The following MKI67 variants were observed in gnomAD, a reference collection of about 807,000 sequenced individuals.
The protein encoded by MKI67 is marker of proliferation Ki-67, also known as proliferation marker protein Ki-67.
Under a neutral mutation model 233.5 loss-of-function variants are expected in MKI67, and 152 were observed. The ratio of observed to expected loss-of-function variants is 0.65; its 90% CI spans 0.57 to 0.74. MKI67 has a LOEUF of 0.74. Among genes scored for constraint, MKI67 ranks in the 30% least tolerant of loss-of-function variants. The pLI, the probability that MKI67 is intolerant of heterozygous loss-of-function variation, is 0.00. For missense variants in MKI67, 3,940 were observed against 3,885.2 expected, an observed-to-expected ratio of 1.01 and a Z score of -0.37; for synonymous variants, 1,465 against 1,418.5, an observed-to-expected ratio of 1.03 and a Z score of -0.74.
chr10:128,099,091 G>T lies in MKI67; in HGVS notation c.*99C>A. The T allele has an allele frequency of 1.1e-6, 1 of 905,916 alleles. No homozygotes were observed. The highest frequency in any genetic ancestry group is 1.7e-6 in the Non-Finnish European group (1 of 597,926). The allele number at this position is 905,916 out of a possible 1,614,324, so 56.1% of individuals were successfully genotyped here. Reference sequence around the variant, plus strand: ...TTTTCTTCCCTTAAGCAGACTGACAGCCTTACTTACAGAATTCACTTGTAA... The same window carrying T: ...TTTTCTTCCCTTAAGCAGACTGACATCCTTACTTACAGAATTCACTTGTAA... On this transcript the variant is annotated 3_prime_UTR_variant, in exon 15 of 15. Transcript: ENST00000368654.
rs2136126104 is a variant in MKI67 at position 128,102,990 on chromosome 10, A to G, written c.8850T>C (p.Pro2950=). The G allele has an allele frequency of 6.2e-7, 1 of 1,614,220 alleles. No homozygotes were observed. Among genetic ancestry groups the G allele is most frequent in the Non-Finnish European group, 8.5e-7 (1 of 1,180,034 alleles). Residue 2950 remains proline, a synonymous_variant, in exon 13 of 15, where the codon CCT becomes CCC. Coordinates refer to ENST00000368654, the MANE Select transcript of MKI67 (RefSeq NM_002417.5). The part of the protein sequence containing the change: ...DSFTSAPKQT[P]DSGKPLKISR... ...ATATTTTTAGAGGTTTTCCACTGTC[A>G]GGTGTTTGCTTTGGAGCGCTTGTAA...
intron 8 of MKI67, 130 bp from the exon 9 acceptor site, chr10:128,112,575 T>A (rs1331153984): frequency 2.3e-6 from 2 of 888,262 alleles, no homozygotes; most frequent in Non-Finnish European, 1.7e-6. Flanking sequence ...TAAGCCACTG[T>A]CTTTGAAGAC....
In MKI67 at chr10:128,107,221, G is replaced by A; in HGVS notation, c.4619C>T (p.Thr1540Ile). ...RTPSAGKAMH[T>I]PKPAVSGEKN... is the part of the protein sequence containing the mutation. Reference sequence around the variant, plus strand: ...CTCACCACTTACTGCTGGTTTGGGTGTGTGCATGGCTTTGCCTGCTGATGG... The same window carrying A: ...CTCACCACTTACTGCTGGTTTGGGTATGTGCATGGCTTTGCCTGCTGATGG... The change falls in exon 13 of 15, where the codon ACA (threonine) becomes ATA (isoleucine). Residue 1540 changes from threonine to isoleucine, a missense_variant. By Grantham distance (89) the Thr-to-Ile change is moderately conservative (BLOSUM62 -1). Coordinates refer to ENST00000368654, the MANE Select transcript of MKI67 (RefSeq NM_002417.5). 1.2e-6 allele frequency: 2 copies of A among 1,614,192 alleles called. No homozygotes were observed. The highest frequency in any genetic ancestry group is 1.6e-4 in the Middle Eastern group (1 of 6,062).
Position 128,103,757 on chromosome 10 carries a change from A to G in MKI67, c.8083T>C (p.Ser2695Pro). ...LSETSGHTQE[S>P]LTAGKATKIP... Reference sequence around the variant, plus strand: ...TTAGTGGCTTTGCCAGCAGTCAGTGATTCCTGAGTGTGACCTGATGTTTCA... The same window carrying G: ...TTAGTGGCTTTGCCAGCAGTCAGTGGTTCCTGAGTGTGACCTGATGTTTCA... Residue 2695 changes from serine to proline, a missense_variant, in exon 13 of 15, where the codon TCA becomes CCA. Transcript: ENST00000368654. 6 of 1,613,274 alleles carry G rather than the reference A, an allele frequency of 3.7e-6. No individual in the cohort carries two copies. Among genetic ancestry groups the G allele is most frequent in the Non-Finnish European group, 5.1e-6 (6 of 1,179,908 alleles).
chr10:128,106,050 C>A lies in MKI67; in HGVS notation c.5790G>T (p.Leu1930=). The A allele has an allele frequency of 3.7e-6, 6 of 1,614,014 alleles. No individual in the cohort carries two copies. Among genetic ancestry groups the A allele is most frequent in the Non-Finnish European group, 4.2e-6 (5 of 1,179,976 alleles). Residue 1930 remains leucine (L), a synonymous_variant, in exon 13 of 15, where the codon CTG becomes CTT. Coordinates refer to ENST00000368654, the MANE Select transcript of MKI67 (RefSeq NM_002417.5). ...FVGTPVEKLD[L]LGNLPGSKRR... is the part of the protein sequence containing the mutation. The stretch of plus-strand genomic sequence containing the variant: ...TCTTGCTGCCAGGTAAATTTCCTAG[C>A]AGGTCCAGTTTCTCCACTGGAGTCC...
intron 11 of MKI67, chr10:128,111,381 G>T: frequency 2.9e-6 from 1 of 348,078 alleles, no homozygotes; most frequent in South Asian, 6.5e-5. Context: ...CTATGTATAC[G>T]CTGCTCTCCA....
rs780953292 is a variant in MKI67 at position 128,104,194 on chromosome 10, C to A, written c.7646G>T (p.Arg2549Leu). The change falls in exon 13 of 15, where the codon CGT becomes CTT. Residue 2549 changes from arginine (R) to leucine (L), a missense_variant. Coordinates refer to ENST00000368654, the MANE Select transcript of MKI67 (RefSeq NM_002417.5). ...TTCTAGAGCACGGGCCTTTTCCTTA[C>A]GAGTTCTCAGCTGCCTCCTGCTACC... ...VTGSRRQLRT[R>L]KEKARALEDL... The A allele has an allele frequency of 2.5e-6, 4 of 1,612,940 alleles. No homozygotes were observed. Among genetic ancestry groups the A allele is most frequent in the Admixed American group, 1.7e-5 (1 of 59,902 alleles).
chr10:128,101,334 G>A lies in MKI67; in HGVS notation c.9629C>T (p.Ala3210Val). 1.9e-6 allele frequency: 3 copies of A among 1,614,196 alleles called. No homozygotes were observed. Among genetic ancestry groups the A allele is most frequent in the Non-Finnish European group, 2.5e-6 (3 of 1,180,024 alleles). Reference protein sequence around the residue: ...LRSRKTKSQPAASTLESKSVQ... With the variant: ...LRSRKTKSQPVASTLESKSVQ... ...AGATTTGCTCTCCAAAGTGCTTGCT[G>A]CAGGCTGGCTTTTTGTCTTTCTTGA... Residue 3210 changes from alanine to valine, a missense_variant, in exon 14 of 15, where the codon GCA (alanine) becomes GTA (valine). Transcript: ENST00000368654.
chr10:128,112,455 C>T lies in MKI67; in HGVS notation c.1657-10G>A. On this transcript the variant is annotated splice_polypyrimidine_tract_variant and intron_variant, in intron 8 of 14. Coordinates refer to ENST00000368654, the MANE Select transcript of MKI67 (RefSeq NM_002417.5). ...ATGGTTGAGGCTGTTCCTGACAAGA[C>T]AAAATTGTTTACAAGAAGCCTTAAC... 6.2e-7 allele frequency: 1 copy of T among 1,611,326 alleles called. No individual in the cohort carries two copies. The highest frequency in any genetic ancestry group is 8.5e-7 in the Non-Finnish European group (1 of 1,178,194).
In MKI67 at chr10:128,123,081, A is replaced by G. The variant is rs748465570; in HGVS notation, c.171+10T>C. On this transcript the variant is annotated intron_variant, in intron 3 of 14. Coordinates refer to ENST00000368654, the MANE Select transcript of MKI67 (RefSeq NM_002417.5). ...AGCTTTAAAAGTAGATCTTCAAAAA[A>G]CCCACTCACCTCCTGCTCATGGATT... is the stretch of plus-strand genomic sequence containing the variant. 6.2e-7 allele frequency: 1 copy of G among 1,612,176 alleles called. No homozygotes were observed. The highest frequency in any genetic ancestry group is 1.1e-5 in the South Asian group (1 of 90,938).
chr10:128,112,984 G>T (rs1163584289), intron 8 of MKI67, among the ~76,000 whole-genome samples: 2 of 152,208 alleles, frequency 1.3e-5, no homozygotes, highest in East Asian at 1.9e-4. Context: ...AGAGCTGAAG[G>T]TGTAAAAGGA....
rs1852986723 is a variant in MKI67, at chr10:128,123,104, A to G, written c.158T>C (p.Ile53Thr). ...AAACCCACTCACCTCCTGCTCATGG[A>G]TTTCAATTTTGCAATGTTGTTTTGA... ...VVSKQHCKIE[I>T]HEQEAILHNF... The change falls in exon 3 of 15, where the codon ATC becomes ACC. Residue 53 changes from isoleucine to threonine, a missense_variant. Coordinates refer to ENST00000368654, the MANE Select transcript of MKI67 (RefSeq NM_002417.5). 6.2e-7 allele frequency: 1 copy of G among 1,613,800 alleles called. No individual in the cohort carries two copies. Among genetic ancestry groups the G allele is most frequent in the East Asian group, 2.2e-5 (1 of 44,844 alleles).
chr10:128,102,848 T>A lies in MKI67; in HGVS notation c.8992A>T (p.Arg2998Trp). Residue 2998 changes from arginine (R) to tryptophan (W), a missense_variant, in exon 13 of 15, where the codon AGG becomes TGG. Coordinates refer to ENST00000368654, the MANE Select transcript of MKI67 (RefSeq NM_002417.5). ...ACGCTTCCATCTTTGCCACCTCCCCTCTTGAAGGGCAGTGGGGGCAGGGAA... is the reference window on the plus strand; with the variant it reads ...ACGCTTCCATCTTTGCCACCTCCCCACTTGAAGGGCAGTGGGGGCAGGGAA... ...NTSLPPLPFK[R>W]GGGKDGSVTG... 6.2e-7 allele frequency: 1 copy of A among 1,614,180 alleles called. No homozygotes were observed. Among genetic ancestry groups the A allele is most frequent in the Non-Finnish European group, 8.5e-7 (1 of 1,180,036 alleles).
chr10:128,107,890 A>G lies in MKI67; in HGVS notation c.3950T>C (p.Val1317Ala). 1 of 1,613,100 alleles carries G rather than the reference A, an allele frequency of 6.2e-7. No individual in the cohort carries two copies. The highest frequency in any genetic ancestry group is 1.1e-5 in the South Asian group (1 of 91,046). The change falls in exon 13 of 15, where the codon GTG (valine) becomes GCG (alanine). Residue 1317 changes from valine to alanine, a missense_variant. By Grantham distance (64) the Val-to-Ala change is moderately conservative. Transcript: ENST00000368654. ...KDIIIFVGTPVQKLDLTENLT... is the reference protein window; with the variant it reads ...KDIIIFVGTPAQKLDLTENLT... ...GTTCTCTGTCAGGTCCAGTTTCTGCACTGGAGTTCCCACAAATATGATGAT... is the reference window on the plus strand; with the variant it reads ...GTTCTCTGTCAGGTCCAGTTTCTGCGCTGGAGTTCCCACAAATATGATGAT...
In MKI67 at chr10:128,101,658, T is replaced by C. The variant is rs34750407; in HGVS notation, c.9305A>G (p.Glu3102Gly). Residue 3102 changes from glutamate (E) to glycine (G), a missense_variant, in exon 14 of 15, where the codon GAA (glutamate) becomes GGA (glycine). Physicochemically the swap from Glu to Gly is moderately conservative, Grantham distance 98. Transcript: ENST00000368654. Reference protein sequence around the residue: ...RSRRQNKTEAEQQITEVFVLA... With the variant: ...RSRRQNKTEAGQQITEVFVLA... Reference sequence around the variant, plus strand: ...TACAAAGACCTCAGTTATTTGCTGTTCTGCCTCAGTCTTATTTTGGCGTCT... The same window carrying C: ...TACAAAGACCTCAGTTATTTGCTGTCCTGCCTCAGTCTTATTTTGGCGTCT... 57,292 of 1,609,460 alleles carry C rather than the reference T, an allele frequency of 0.036. 2,326 individuals are homozygous for C. The highest frequency in any genetic ancestry group is 0.2 in the African/African-American group (14,559 of 74,522).
rs768636582 is a variant in MKI67, at chr10:128,103,364, T to G, written c.8476A>C (p.Lys2826Gln). 3 of 1,614,008 alleles carry G rather than the reference T, an allele frequency of 1.9e-6. No individual in the cohort carries two copies. In the African/African-American group the frequency reaches 4.0e-5, roughly 22 times the overall value. ...TDDKTTKIPCKSSPELEDTAT... is the reference protein window; with the variant it reads ...TDDKTTKIPCQSSPELEDTAT... ...GTGTCTTCTAGTTCTGGTGATGATTTGCAGGGTATTTTAGTGGTTTTGTCA... is the reference window on the plus strand; with the variant it reads ...GTGTCTTCTAGTTCTGGTGATGATTGGCAGGGTATTTTAGTGGTTTTGTCA... Residue 2826 changes from lysine (K) to glutamine (Q), a missense_variant, in exon 13 of 15, where the codon AAA (lysine) becomes CAA (glutamine). By Grantham distance (53) the Lys-to-Gln change is moderately conservative (BLOSUM62 1). Coordinates refer to ENST00000368654, the MANE Select transcript of MKI67 (RefSeq NM_002417.5).
Position 128,104,705 on chromosome 10 carries a change from G to A in MKI67, c.7135C>T (p.Arg2379Ter), listed in dbSNP as rs748434685. 7.4e-6 allele frequency: 12 copies of A among 1,613,890 alleles called. No individual in the cohort carries two copies. The highest frequency in any genetic ancestry group is 2.7e-5 in the African/African-American group (2 of 74,844). ...ATGGCTTTGCCTGCTGATGGTGTTC[G>A]TTTCCTGAGTGCTAAAAATTCTTCC... ...VEEEFLALRK[R>*]TPSAGKAMDT... Residue 2379 changes from arginine to a stop codon, truncating the protein, a stop_gained, in exon 13 of 15, where the codon CGA (arginine) becomes TGA (stop). Coordinates refer to ENST00000368654, the MANE Select transcript of MKI67 (RefSeq NM_002417.5). LOFTEE classifies it high-confidence loss of function.
Position 128,112,040 on chromosome 10 carries a change from T to C in MKI67, c.1975A>G (p.Lys659Glu). 4 of 1,610,292 alleles carry C rather than the reference T, an allele frequency of 2.5e-6. No homozygotes were observed. The highest frequency in any genetic ancestry group is 3.4e-6 in the Non-Finnish European group (4 of 1,179,016). Residue 659 changes from lysine to glutamate, a missense_variant, in exon 10 of 15, where the codon AAA becomes GAA. Lys to Glu is a moderately conservative substitution (Grantham distance 56, BLOSUM62 1). Transcript: ENST00000368654. ...GASEANLIVAKSWADVVKLGA... is the reference protein window; with the variant it reads ...GASEANLIVAESWADVVKLGA... The stretch of plus-strand genomic sequence containing the variant: ...AGTTTTACTACATCTGCCCATGATT[T>C]TGCAACTGTCAAAGGGAAAAGACGA...
In MKI67 at chr10:128,119,924, A is replaced by G. The variant is rs140020884; in HGVS notation, c.288-605T>C. On this transcript the variant is annotated intron_variant, in intron 4 of 14. Coordinates refer to ENST00000368654, the MANE Select transcript of MKI67 (RefSeq NM_002417.5). ...ATAATTGTCCTGGCAAACCTCAGTG[A>G]TCAAGTCATAGAAGCAATCCTTTAT... 2.0e-5 allele frequency among the ~76,000 whole-genome samples: 3 copies of G among 152,340 alleles called. No homozygotes were observed. In the East Asian group the frequency reaches 5.8e-4, roughly 29 times the overall value.
Sources: allele counts gnomAD v4.1 joint callset (sites outside exome capture counted in the v4.1 genomes callset), GRCh38; gene constraint gnomAD v4.1.1; transcripts MANE v1.5; gene names NCBI Gene and HGNC (gene_info 2026-07-23, HGNC 2026-07-21).